The following RIMS4 variants were observed in gnomAD, a reference collection of about 807,000 sequenced individuals.
RIMS4 encodes the protein regulating synaptic membrane exocytosis protein 4.
In RIMS4, 9 loss-of-function variants were observed where a neutral mutation model predicts 29.0. That is an observed-to-expected ratio of 0.31 (90% CI 0.19 to 0.54). RIMS4 has a LOEUF of 0.54. RIMS4 is among the 20% of genes least tolerant of loss of function. The pLI, the probability that RIMS4 is intolerant of heterozygous loss-of-function variation, is 0.94. For missense variants in RIMS4, 193 were observed against 365.7 expected, an observed-to-expected ratio of 0.53 and a Z score of 3.85; for synonymous variants, 130 against 152.9, an observed-to-expected ratio of 0.85 and a Z score of 1.10.
chr20:44,755,997 G>T lies in RIMS4; in HGVS notation c.*137C>A, dbSNP rs866270801. ...AGGGGTGAGGAGGGGCCCAAGGGGG[G>T]GCAGGTCTCCCCGTTCTGCTTCCCC... On this transcript the variant is annotated 3_prime_UTR_variant, in exon 6 of 6. Coordinates refer to ENST00000372851, the MANE Select transcript of RIMS4 (RefSeq NM_182970.4). 3 of 708,088 alleles carry T rather than the reference G, an allele frequency of 4.2e-6. No individual in the cohort carries two copies. The highest frequency in any genetic ancestry group is 4.2e-4 in the Middle Eastern group (1 of 2,388). 43.9% of individuals were successfully genotyped at this position (708,088 alleles called of 1,614,324 possible).
At chr20:44,777,445 T>C (rs1166254448) in intron 1 of RIMS4, among the ~76,000 whole-genome samples, 1 of 152,264 alleles carries the variant, frequency 6.6e-6, no homozygotes, top group African/African-American at 2.4e-5. Context: ...CCCTGTACCA[T>C]GTACAAATTA....
chr20:44,809,004 G>A (rs1369371394), intron 1 of RIMS4, among the ~76,000 whole-genome samples: 1 of 152,080 alleles, frequency 6.6e-6, no homozygotes, highest in Non-Finnish European at 1.5e-5. Context: ...CACTCCTCCA[G>A]CACATACACT....
At chr20:44,778,071 C>G (rs895091924) in intron 1 of RIMS4, among the ~76,000 whole-genome samples, 3 of 152,174 alleles carry the variant, frequency 2.0e-5, no homozygotes, top group African/African-American at 4.8e-5. Context: ...GCCTCACATG[C>G]CTCCCTTGTC....
chr20:44,757,476 G>A (rs115042000), intron 4 of RIMS4, among the ~76,000 whole-genome samples, 194 bp downstream of exon 4: 2,534 of 152,230 alleles, frequency 0.017, 69 homozygotes, highest in African/African-American at 0.056. Context: ...TGGAGGAGAG[G>A]AACAAGGTCA....
At chr20:44,802,457 A>G (rs910762451) in intron 1 of RIMS4, among the ~76,000 whole-genome samples, 1 of 152,148 alleles carries the variant, frequency 6.6e-6, no homozygotes, top group Non-Finnish European at 1.5e-5. Flanking sequence ...CCGGATTCCA[A>G]AGCTATGTTC....
At chr20:44,805,821 T>C (rs2066296164) in intron 1 of RIMS4, among the ~76,000 whole-genome samples, 1 of 148,324 alleles carries the variant, frequency 6.7e-6, no homozygotes, top group Non-Finnish European at 1.5e-5. Context: ...TGCCTGGGGG[T>C]GTGGAGAGAA....
rs767924951 is a variant in RIMS4 at position 44,756,388 on chromosome 20, C to T, written c.592-36G>A. 1 of 1,575,674 alleles carries T rather than the reference C, an allele frequency of 6.3e-7. No homozygotes were observed. Among genetic ancestry groups the T allele is most frequent in the Non-Finnish European group, 8.7e-7 (1 of 1,152,434 alleles). Reference sequence around the variant, plus strand: ...AGAGACACAGTGGTTCAAATCCTGCCAGTGCCACTCACAGGCCCAGAAGCA... The same window carrying T: ...AGAGACACAGTGGTTCAAATCCTGCTAGTGCCACTCACAGGCCCAGAAGCA... On this transcript the variant is annotated intron_variant, in intron 5 of 5. Coordinates refer to ENST00000372851, the MANE Select transcript of RIMS4 (RefSeq NM_182970.4). The surrounding 1 kb of genome is among the most constrained non-coding windows in gnomAD (Gnocchi z 5.9).
In RIMS4 at chr20:44,810,167, G is replaced by A. The variant is rs1317570493; in HGVS notation, c.97+8C>T. 1.3e-6 allele frequency: 2 copies of A among 1,574,802 alleles called. No individual in the cohort carries two copies. The highest frequency in any genetic ancestry group is 8.7e-7 in the Non-Finnish European group (1 of 1,155,940). On this transcript the variant is annotated splice_region_variant and intron_variant, in intron 1 of 5. Coordinates refer to ENST00000372851, the MANE Select transcript of RIMS4 (RefSeq NM_182970.4). Reference sequence around the variant, plus strand: ...CCCGGGGGTCTGGGGGGCGGGCCGCGCGCTTACCTGCGTCCTCGTCGTCGA... The same window carrying A: ...CCCGGGGGTCTGGGGGGCGGGCCGCACGCTTACCTGCGTCCTCGTCGTCGA...
At position 44,756,373 on chromosome 20, in the gene RIMS4, T is replaced by C. The variant is rs770003434; in HGVS notation, c.592-21A>G. ...ATCACCTGTGGGGCAAGAGACACAG[T>C]GGTTCAAATCCTGCCAGTGCCACTC... On this transcript the variant is annotated intron_variant, in intron 5 of 5. Transcript: ENST00000372851. This position sits in a 1 kb window ranked among gnomAD's most constrained non-coding sequence, Gnocchi z 5.9. The C allele has an allele frequency of 6.2e-7, 1 of 1,604,500 alleles. No individual in the cohort carries two copies. The highest frequency in any genetic ancestry group is 8.5e-7 in the Non-Finnish European group (1 of 1,174,082).
chr20:44,806,210 G>C (rs1349478197), intron 1 of RIMS4, among the ~76,000 whole-genome samples: 1 of 152,232 alleles, frequency 6.6e-6, no homozygotes, highest in African/African-American at 2.4e-5. Flanking sequence ...CCAGGCGGGA[G>C]GGGGAGAACT....
intron 1 of RIMS4, among the ~76,000 whole-genome samples, chr20:44,808,489 C>G (rs569389562): frequency 6.2e-4 from 95 of 152,310 alleles, no homozygotes; most frequent in African/African-American, 2.2e-3. Flanking sequence ...CTGCTGACCA[C>G]TCTACTGTGT....
At chr20:44,806,006 C>T (rs1426868403) in intron 1 of RIMS4, among the ~76,000 whole-genome samples, 1 of 152,226 alleles carries the variant, frequency 6.6e-6, no homozygotes, top group Non-Finnish European at 1.5e-5. Flanking sequence ...CCGCCCCCAG[C>T]CCAACAGATT....
At chr20:44,789,867 A>G (rs531869375) in intron 1 of RIMS4, among the ~76,000 whole-genome samples, 1 of 152,324 alleles carries the variant, frequency 6.6e-6, no homozygotes, top group Admixed American at 6.5e-5. Context: ...CCAGCCCAAC[A>G]TGTGAAGATT....
At chr20:44,785,845 A>C (rs2145466530) in intron 1 of RIMS4, among the ~76,000 whole-genome samples, 1 of 149,876 alleles carries the variant, frequency 6.7e-6, no homozygotes, top group East Asian at 2.0e-4. Context: ...GCAGAAAAGG[A>C]TGCCATGATT....
chr20:44,788,576 C>T (rs2066219036), intron 1 of RIMS4, among the ~76,000 whole-genome samples: 2 of 152,040 alleles, frequency 1.3e-5, no homozygotes, highest in African/African-American at 4.8e-5. Context: ...AGTTCGAGAC[C>T]AGCCTGGGCA....
chr20:44,776,477 C>T (rs1463249101), intron 1 of RIMS4, among the ~76,000 whole-genome samples: 2 of 152,154 alleles, frequency 1.3e-5, no homozygotes, highest in Non-Finnish European at 2.9e-5. Flanking sequence ...ATAACTTCCT[C>T]ATCCTGGTTC....
chr20:44,770,327 T>C (rs1207203331), intron 2 of RIMS4, among the ~76,000 whole-genome samples: 1 of 152,110 alleles, frequency 6.6e-6, no homozygotes, highest in African/African-American at 2.4e-5. Flanking sequence ...GATAAGGAAG[T>C]TGCTTTGGAT....
intron 2 of RIMS4, among the ~76,000 whole-genome samples, chr20:44,760,744 T>C (rs1048760988): frequency 9.2e-5 from 14 of 152,244 alleles, no homozygotes; most frequent in East Asian, 1.9e-4. Context: ...TGCACTCTAT[T>C]GTGTCCAGGC....
chr20:44,779,789 G>A (rs11906229), intron 1 of RIMS4, among the ~76,000 whole-genome samples: 8,892 of 152,166 alleles, frequency 0.058, 844 homozygotes, highest in African/African-American at 0.2. Context: ...CTGGGTTACA[G>A]GGTATGCATT....
Sources: allele counts gnomAD v4.1 joint callset (sites outside exome capture counted in the v4.1 genomes callset), GRCh38; gene constraint gnomAD v4.1.1; non-coding constraint Gnocchi (gnomAD v3.1); transcripts MANE v1.5; gene names NCBI Gene and HGNC (gene_info 2026-07-23, HGNC 2026-07-21).